Variants in GTF2E1 observed in about 807,000 individuals in gnomAD.
GTF2E1 encodes the protein TFIIE alpha subunit.
A neutral mutation model predicts 34.9 loss-of-function variants in GTF2E1; 14 were observed. The observed-to-expected ratio is 0.40, with a 90% CI of 0.27 to 0.63. The LOEUF (loss-of-function observed/expected upper bound fraction) is 0.63, where lower values mean the gene tolerates loss of function less well. Ranked by LOEUF, GTF2E1 falls within the 20% of genes least tolerant of loss-of-function variation. The pLI is 0.39. For synonymous variants in GTF2E1, 188 were observed against 192.9 expected (o/e 0.97, Z 0.21); for missense variants, 469 against 557.7 (o/e 0.84, Z 1.60).
intron 3 of GTF2E1, among the ~76,000 whole-genome samples, chr3:120,772,946 A>G (rs78507697): frequency 0.037 from 5,646 of 152,182 alleles, 263 homozygotes; most frequent in African/African-American, 0.11. Flanking sequence ...GTATCAAGTC[A>G]TCTTCTTCTT....
intron 1 of GTF2E1, chr3:120,750,047 T>A (rs1325326728): frequency 6.5e-6 from 1 of 154,666 alleles, no homozygotes; most frequent in Non-Finnish European, 1.4e-5. Flanking sequence ...TACTCATGTG[T>A]TTATTGGTTT....
Position 120,750,559 on chromosome 3 carries a change from G to C in GTF2E1, c.7G>C (p.Asp3His), listed in dbSNP as rs150809090. The C allele has an allele frequency of 1.1e-5, 17 of 1,605,028 alleles. No homozygotes were observed. The Admixed American group carries it at 2.4e-4, about 22-fold the overall frequency. The stretch of plus-strand genomic sequence containing the variant: ...TTGGAGTTCGTTGCTAAAGATGGCA[G>C]ACCCAGATGTCCTCACTGAAGTTCC... MA[D>H]PDVLTEVPAA... is the part of the protein sequence containing the mutation. The change falls in exon 2 of 5, where the codon GAC becomes CAC. Residue 3 changes from aspartate to histidine, a missense_variant. Physicochemically the swap from Asp to His is moderately conservative, Grantham distance 81. Coordinates refer to ENST00000283875, the MANE Select transcript of GTF2E1 (RefSeq NM_005513.3).
rs116466272 is a variant in GTF2E1, at chr3:120,769,702, A to G, written c.449-1026A>G. On this transcript the variant is annotated intron_variant, in intron 2 of 4. Coordinates refer to ENST00000283875, the MANE Select transcript of GTF2E1 (RefSeq NM_005513.3). ...AGTGGCTTGGGTTTGCCTCACTTCC[A>G]TCATAGTCTGATGTTAGTGATCTGT... Among the ~76,000 whole-genome samples the G allele has an allele frequency of 2.5e-3, 377 of 152,270 alleles. 2 individuals are homozygous for G. Among genetic ancestry groups the G allele is most frequent in the African/African-American group, 8.3e-3 (345 of 41,552 alleles).
In GTF2E1 at chr3:120,770,946, TG is replaced by T; in HGVS notation, c.650+18del. ...GAAACAGAGGTGAGTGTAGGCCCTGTGCTCTTACTAAGAACACATTTCAACC... is the reference window on the plus strand; with the variant it reads ...GAAACAGAGGTGAGTGTAGGCCCTGTCTCTTACTAAGAACACATTTCAACC... On this transcript the variant is annotated intron_variant, in intron 3 of 4. Transcript: ENST00000283875. 6.2e-7 allele frequency: 1 copy of T among 1,602,890 alleles called. No homozygotes were observed. Among genetic ancestry groups the T allele is most frequent in the Non-Finnish European group, 8.5e-7 (1 of 1,169,850 alleles).
chr3:120,760,109 G>A (rs544671780), intron 2 of GTF2E1, among the ~76,000 whole-genome samples: 12 of 152,060 alleles, frequency 7.9e-5, no homozygotes, highest in South Asian at 2.1e-4. Flanking sequence ...CTTTTATTTC[G>A]TTGAGCAGTG....
At position 120,750,914 on chromosome 3, in the gene GTF2E1, C is replaced by T. The variant is rs865949505; in HGVS notation, c.362C>T (p.Ser121Leu). 41 of 1,613,764 alleles carry T rather than the reference C, an allele frequency of 2.5e-5. No homozygotes were observed. The Admixed American group carries it at 6.0e-4, about 24-fold the overall frequency. Residue 121 changes from serine (S) to leucine (L), a missense_variant, in exon 2 of 5, where the codon TCG (serine) becomes TTG (leucine). By Grantham distance (145) the Ser-to-Leu change is moderately radical (BLOSUM62 -2). Transcript: ENST00000283875. ...RRRIETDERDSTNRASFKCPV... is the reference protein window; with the variant it reads ...RRRIETDERDLTNRASFKCPV... ...AGAATTGAGACCGATGAGAGAGATTCGACCAACCGGGCTTCCTTCAAATGT... is the reference window on the plus strand; with the variant it reads ...AGAATTGAGACCGATGAGAGAGATTTGACCAACCGGGCTTCCTTCAAATGT...
intron 2 of GTF2E1, 191 bp downstream of exon 2, chr3:120,751,191 C>T: frequency 3.8e-6 from 2 of 523,004 alleles, no homozygotes; most frequent in Non-Finnish European, 6.7e-6. Flanking sequence ...CTTTGCAAAG[C>T]GTTTCTCCTT....
intron 2 of GTF2E1, among the ~76,000 whole-genome samples, chr3:120,756,091 G>C (rs115701172): frequency 0.021 from 3,245 of 152,254 alleles, 55 homozygotes; most frequent in Middle Eastern, 0.054. Context: ...AGATACATCT[G>C]ATATACTGAT....
chr3:120,776,682 T>C lies in GTF2E1; in HGVS notation c.892+18T>C. 2.2e-5 allele frequency: 36 copies of C among 1,605,002 alleles called. No individual in the cohort carries two copies. The highest frequency in any genetic ancestry group is 2.9e-5 in the Non-Finnish European group (34 of 1,176,092). ...GAAAGAAGGTAAGAGTAGAAGTCAG[T>C]AAAATGGATGTGTCTTAGGTTCTGT... On this transcript the variant is annotated intron_variant, in intron 4 of 4. Transcript: ENST00000283875.
intron 4 of GTF2E1, among the ~76,000 whole-genome samples, chr3:120,777,467 G>A (rs915510669): frequency 2.0e-5 from 3 of 152,146 alleles, no homozygotes; most frequent in South Asian, 4.1e-4. Context: ...TATCACGTGA[G>A]TTTGGTGATA....
At chr3:120,754,308 A>AG (rs1309639377) in intron 2 of GTF2E1, among the ~76,000 whole-genome samples, 3 of 152,196 alleles carry the variant, frequency 2.0e-5, no homozygotes, top group African/African-American at 7.2e-5. Context: ...AAATTTGAAG[A>AG]GAAAAAAATC....
Position 120,750,830 on chromosome 3 carries a change from T to G in GTF2E1, c.278T>G (p.Phe93Cys), listed in dbSNP as rs764943139. The G allele has an allele frequency of 2.5e-6, 4 of 1,613,934 alleles. No homozygotes were observed. The Admixed American group carries it at 6.7e-5, about 27-fold the overall frequency. ...AAAACCACTCGCCATAACTACTACT[T>G]CATCAATTATCGTACTCTTGTTAAT... The part of the protein sequence containing the change: ...DGKTTRHNYY[F>C]INYRTLVNVV... The change falls in exon 2 of 5, where the codon TTC becomes TGC. Residue 93 changes from phenylalanine to cysteine, a missense_variant. Phe to Cys is a radical substitution (Grantham distance 205). Coordinates refer to ENST00000283875, the MANE Select transcript of GTF2E1 (RefSeq NM_005513.3).
chr3:120,747,152 G>A lies in GTF2E1; in HGVS notation c.-30-3371G>A, dbSNP rs1184246559. ...GAGTTTCGCTCTTGTTGCCCAGGCT[G>A]GAGTGCAATGGTGTAATCTTGGCTC... On this transcript the variant is annotated intron_variant, in intron 1 of 4. Transcript: ENST00000283875. 3.3e-5 allele frequency among the ~76,000 whole-genome samples: 5 copies of A among 151,670 alleles called. 1 individual carries two copies. Among genetic ancestry groups the A allele is most frequent in the Admixed American group, 2.6e-4 (4 of 15,224 alleles).
intron 4 of GTF2E1, among the ~76,000 whole-genome samples, chr3:120,780,673 C>T (rs1288735098): frequency 6.6e-6 from 1 of 152,194 alleles, no homozygotes; most frequent in Non-Finnish European, 1.5e-5. Context: ...GTCGATTCTT[C>T]ATAGACATTA....
chr3:120,778,282 T>C (rs1709417718), intron 4 of GTF2E1, among the ~76,000 whole-genome samples: 1 of 152,220 alleles, frequency 6.6e-6, no homozygotes, highest in Admixed American at 6.5e-5. Flanking sequence ...ATAAGTTATC[T>C]GGTCTACTTA....
intron 1 of GTF2E1, among the ~76,000 whole-genome samples, chr3:120,745,182 A>G (rs1239243230): frequency 6.6e-6 from 1 of 152,180 alleles, no homozygotes; most frequent in African/African-American, 2.4e-5. Flanking sequence ...AATTACAGGT[A>G]TTAGCCACTG....
At chr3:120,762,233 C>T (rs1281351907) in intron 2 of GTF2E1, among the ~76,000 whole-genome samples, 1 of 152,136 alleles carries the variant, frequency 6.6e-6, no homozygotes, top group East Asian at 1.9e-4. Flanking sequence ...GTTAGGTCCG[C>T]TTGGTCTAGA....
chr3:120,753,084 C>G (rs1361940631), intron 2 of GTF2E1, among the ~76,000 whole-genome samples: 1 of 150,936 alleles, frequency 6.6e-6, no homozygotes, highest in African/African-American at 2.4e-5. Context: ...ATATTAGGCT[C>G]TAGTTTGCCA....
chr3:120,775,768 C>G (rs1709393711), intron 3 of GTF2E1, among the ~76,000 whole-genome samples: 1 of 152,120 alleles, frequency 6.6e-6, no homozygotes, highest in Non-Finnish European at 1.5e-5. Context: ...AGAGTAGAAT[C>G]AGTGGTTGGA....
Sources: gnomAD v4.1 joint callset for allele counts (sites outside exome capture counted in the v4.1 genomes callset) on GRCh38, gnomAD v4.1.1 for gene constraint, MANE v1.5 for transcripts, NCBI Gene and HGNC (gene_info 2026-07-23, HGNC 2026-07-21) for gene names.